Variants in SESTD1 observed in about 807,000 individuals in gnomAD.
The protein encoded by SESTD1 is SEC14 domain and spectrin repeat-containing protein 1.
Under a neutral mutation model 101.7 loss-of-function variants are expected in SESTD1, and 43 were observed. That is an observed-to-expected ratio of 0.42 (90% CI 0.33 to 0.55). The LOEUF (loss-of-function observed/expected upper bound fraction) is 0.55, where lower values mean the gene tolerates loss of function less well. SESTD1 is among the 20% of genes least tolerant of loss of function. SESTD1 has a pLI of 0.07. For missense variants in SESTD1, 647 were observed against 815.1 expected, an observed-to-expected ratio of 0.79 and a Z score of 2.51; for synonymous variants, 283 against 286.8, an observed-to-expected ratio of 0.99 and a Z score of 0.13.
chr2:179,259,548 T>C (rs1343411947), intron 1 of SESTD1, among the ~76,000 whole-genome samples: 3 of 152,042 alleles, frequency 2.0e-5, no homozygotes, highest in African/African-American at 7.3e-5. Flanking sequence ...AGCTTTTTTA[T>C]AGGTAAGGAA....
intron 9 of SESTD1, among the ~76,000 whole-genome samples, chr2:179,139,713 A>C (rs1473897470): frequency 6.6e-6 from 1 of 152,116 alleles, no homozygotes; most frequent in Non-Finnish European, 1.5e-5. Flanking sequence ...GGGGCCCCAC[A>C]AGACACCGAC....
intron 9 of SESTD1, among the ~76,000 whole-genome samples, chr2:179,142,499 A>G (rs74385504): frequency 0.012 from 1,752 of 152,288 alleles, 34 homozygotes; most frequent in African/African-American, 0.04. Context: ...GTGAATGGTC[A>G]CACAGCTAAG....
intron 9 of SESTD1, among the ~76,000 whole-genome samples, chr2:179,136,965 C>T (rs750069484): frequency 1.3e-5 from 2 of 152,032 alleles, no homozygotes; most frequent in Non-Finnish European, 2.9e-5. Flanking sequence ...GTAATGTAGA[C>T]ACAGTAAATA....
chr2:179,199,704 C>T (rs1309438637), intron 1 of SESTD1, among the ~76,000 whole-genome samples: 2 of 152,078 alleles, frequency 1.3e-5, no homozygotes, highest in African/African-American at 4.8e-5. Context: ...AAGACAAAAA[C>T]CACATGATTA....
At chr2:179,152,507 A>T (rs1369821929) in intron 5 of SESTD1, among the ~76,000 whole-genome samples, 1 of 152,238 alleles carries the variant, frequency 6.6e-6, no homozygotes, top group Non-Finnish European at 1.5e-5. Context: ...AAAAAAATTT[A>T]AAAAACAACT....
rs1477899339 is a variant in SESTD1, at chr2:179,205,394, A to G, written c.-25-13528T>C. Among the ~76,000 whole-genome samples the G allele has an allele frequency of 2.2e-5, 3 of 134,756 alleles. 1 individual carries two copies. The highest frequency in any genetic ancestry group is 4.8e-5 in the Non-Finnish European group (3 of 62,742). 88.4% of individuals were successfully genotyped at this position (134,756 alleles called of 152,430 possible). On this transcript the variant is annotated intron_variant, in intron 1 of 17. Transcript: ENST00000428443. ...ATAAAATCTATTAATATTATTGAAG[A>G]TTTCCAAGTCAAATTATTGATCTTA...
intron 4 of SESTD1, among the ~76,000 whole-genome samples, chr2:179,173,883 C>T (rs1054080816): frequency 4.6e-5 from 7 of 152,040 alleles, no homozygotes; most frequent in African/African-American, 1.7e-4. Context: ...CTGTTCTAGA[C>T]CATAAATTGC....
intron 5 of SESTD1, among the ~76,000 whole-genome samples, chr2:179,155,708 CT>C (rs1350348575): frequency 6.6e-6 from 1 of 152,004 alleles, no homozygotes; most frequent in Non-Finnish European, 1.5e-5. Context: ...AAAAATCTCT[CT>C]TTTGAGAAAT....
rs777830453 is a variant in SESTD1 at position 179,106,266 on chromosome 2, T to C, written c.*3633A>G. ...TGTACCATTCCCTATAGGCTGAAGA[T>C]GTAAAGGACATTAGCAACCACAGTA... is the stretch of plus-strand genomic sequence containing the variant. On this transcript the variant is annotated 3_prime_UTR_variant, in exon 18 of 18. Coordinates refer to ENST00000428443, the MANE Select transcript of SESTD1 (RefSeq NM_178123.5). 1.3e-5 allele frequency: 2 copies of C among 152,220 alleles called. No homozygotes were observed. The highest frequency in any genetic ancestry group is 4.8e-5 in the African/African-American group (2 of 41,462). The allele number at this position is 152,220 out of a possible 1,614,324, so 9.4% of individuals were successfully genotyped here. A position where few individuals can be genotyped will look rare whatever the true frequency, so the allele number is the denominator to read the frequency against.
chr2:179,150,688 C>T (rs1400480679), intron 6 of SESTD1, among the ~76,000 whole-genome samples: 1 of 152,014 alleles, frequency 6.6e-6, no homozygotes, highest in African/African-American at 2.4e-5. Flanking sequence ...GGCGTGGTGG[C>T]GCGTGCCTGT....
intron 3 of SESTD1, among the ~76,000 whole-genome samples, chr2:179,177,487 C>T (rs1359295292): frequency 2.0e-5 from 3 of 152,120 alleles, no homozygotes; most frequent in African/African-American, 7.2e-5. Flanking sequence ...GGATTTAAAT[C>T]CACCACCAGT....
chr2:179,185,002 C>A (rs2046186029), intron 2 of SESTD1, among the ~76,000 whole-genome samples: 1 of 152,004 alleles, frequency 6.6e-6, no homozygotes. Flanking sequence ...AGACAAGCAT[C>A]ACAAGATGCA....
At chr2:179,195,486 CT>C (rs1274794816) in intron 1 of SESTD1, among the ~76,000 whole-genome samples, 2 of 152,214 alleles carry the variant, frequency 1.3e-5, no homozygotes, top group African/African-American at 4.8e-5. Flanking sequence ...TCAGGTATTT[CT>C]TTATAGCAGT....
At chr2:179,160,610 C>A (rs886920760) in intron 5 of SESTD1, among the ~76,000 whole-genome samples, 3 of 151,848 alleles carry the variant, frequency 2.0e-5, no homozygotes, top group African/African-American at 7.2e-5. Flanking sequence ...AAAGATAAAC[C>A]TTCTTTAAAA....
intron 2 of SESTD1, among the ~76,000 whole-genome samples, chr2:179,185,695 G>C (rs1187057747): frequency 3.1e-4 from 37 of 120,744 alleles, no homozygotes; most frequent in African/African-American, 5.3e-4. Context: ...ATATAATATA[G>C]TATATTATAT....
In SESTD1 at chr2:179,191,854, A is replaced by T; in HGVS notation, c.-13T>A. ...CTGAGGCCTCCATTTTACTCCAGTG[A>T]ACTTCCTTAATTCTGAAAACACAGA... On this transcript the variant is annotated 5_prime_UTR_variant, in exon 2 of 18. Transcript: ENST00000428443. 1 of 1,606,324 alleles carries T rather than the reference A, an allele frequency of 6.2e-7. No individual in the cohort carries two copies. The highest frequency in any genetic ancestry group is 8.5e-7 in the Non-Finnish European group (1 of 1,175,342).
intron 1 of SESTD1, among the ~76,000 whole-genome samples, chr2:179,240,527 G>A (rs766630068): frequency 6.6e-6 from 1 of 152,166 alleles, no homozygotes; most frequent in Admixed American, 6.5e-5. Flanking sequence ...ACTTGCAGCT[G>A]TAAAACCGGC....
At chr2:179,121,573 TG>T (rs1246713662) in intron 13 of SESTD1, among the ~76,000 whole-genome samples, 196 bp downstream of exon 13, 3 of 152,128 alleles carry the variant, frequency 2.0e-5, no homozygotes, top group African/African-American at 7.2e-5. Flanking sequence ...AAAAGGAAAA[TG>T]GTACCTAATA....
chr2:179,113,076 C>T (rs1484229124), intron 16 of SESTD1, among the ~76,000 whole-genome samples: 1 of 152,116 alleles, frequency 6.6e-6, no homozygotes, highest in Non-Finnish European at 1.5e-5. Flanking sequence ...TTCAAACAAA[C>T]AAAATGAAAT....
Sources: gnomAD v4.1 joint callset for allele counts (sites outside exome capture counted in the v4.1 genomes callset) on GRCh38, gnomAD v4.1.1 for gene constraint, MANE v1.5 for transcripts, NCBI Gene and HGNC (gene_info 2026-07-23, HGNC 2026-07-21) for gene names.